OR9Q1: variants seen among roughly 807,000 people sequenced by gnomAD.
The protein encoded by OR9Q1 is olfactory receptor 9Q1.
For missense variants in OR9Q1, 374 were observed against 378.8 expected (o/e 0.99, Z 0.11); for synonymous variants, 153 against 148.6 (o/e 1.03, Z -0.22).
chr11:58,027,220 T>C (rs1852984127), intron 1 of OR9Q1, among the ~76,000 whole-genome samples: 1 of 152,210 alleles, frequency 6.6e-6, no homozygotes, highest in Admixed American at 6.5e-5. Flanking sequence ...CCCATTTCTC[T>C]GCAGAACAAG....
At chr11:58,028,459 G>T (rs1355737900) in intron 1 of OR9Q1, among the ~76,000 whole-genome samples, 1 of 152,182 alleles carries the variant, frequency 6.6e-6, no homozygotes, top group Non-Finnish European at 1.5e-5. Flanking sequence ...CCCAGGGCTT[G>T]ATCCCAGAGC....
intron 2 of OR9Q1, among the ~76,000 whole-genome samples, chr11:58,082,063 T>C (rs1853592687): frequency 6.6e-6 from 1 of 152,080 alleles, no homozygotes; most frequent in Non-Finnish European, 1.5e-5. Flanking sequence ...CACAATGAGA[T>C]ACCATCTCAC....
At chr11:58,167,647 T>G (rs1442638686) in intron 2 of OR9Q1, among the ~76,000 whole-genome samples, 1 of 152,194 alleles carries the variant, frequency 6.6e-6, no homozygotes, top group Non-Finnish European at 1.5e-5. Context: ...CTACGGTCAA[T>G]TGTGGATCAG....
intron 2 of OR9Q1, among the ~76,000 whole-genome samples, chr11:58,137,894 T>C (rs950656982): frequency 6.6e-5 from 10 of 152,210 alleles, no homozygotes; most frequent in Admixed American, 1.3e-4. Context: ...GTCATTAATA[T>C]TCATAGATAC....
chr11:58,026,351 C>CT (rs561725397), intron 1 of OR9Q1, among the ~76,000 whole-genome samples: 20 of 152,166 alleles, frequency 1.3e-4, no homozygotes, highest in African/African-American at 4.1e-4. Context: ...TTTTTCCCAA[C>CT]TTTTATATTC....
chr11:58,136,900 G>A (rs1436292873), intron 2 of OR9Q1, among the ~76,000 whole-genome samples: 1 of 152,142 alleles, frequency 6.6e-6, no homozygotes, highest in East Asian at 1.9e-4. Flanking sequence ...GGCTGTAGTA[G>A]CACAGACCTG....
rs568723804 is a variant in OR9Q1 at position 58,046,835 on chromosome 11, C to T, written c.-92-9035C>T. Among the ~76,000 whole-genome samples the T allele has an allele frequency of 4.3e-3, 647 of 152,016 alleles. 1 individual carries two copies. The highest frequency in any genetic ancestry group is 6.4e-3 in the Non-Finnish European group (432 of 67,990). Reference sequence around the variant, plus strand: ...CTGAGATCACGCCATTGCATTCCAGCCTGGGCAACAAGAGGGAAACTCCAT... The same window carrying T: ...CTGAGATCACGCCATTGCATTCCAGTCTGGGCAACAAGAGGGAAACTCCAT... On this transcript the variant is annotated intron_variant, in intron 1 of 2. Coordinates refer to ENST00000335397, the MANE Select transcript of OR9Q1 (RefSeq NM_001005212.4).
chr11:58,175,530 A>G (rs1473145352), intron 2 of OR9Q1, among the ~76,000 whole-genome samples: 2 of 152,170 alleles, frequency 1.3e-5, no homozygotes, highest in African/African-American at 4.8e-5. Flanking sequence ...CCCATAGTAG[A>G]GGGAATAGTA....
At chr11:58,131,363 T>C (rs1854139512) in intron 2 of OR9Q1, among the ~76,000 whole-genome samples, 1 of 152,164 alleles carries the variant, frequency 6.6e-6, no homozygotes, top group South Asian at 2.1e-4. Context: ...ATGAGGAATA[T>C]ACATTTTTTG....
At chr11:58,061,706 G>A (rs577684401) in intron 2 of OR9Q1, among the ~76,000 whole-genome samples, 77 of 152,246 alleles carry the variant, frequency 5.1e-4, no homozygotes, top group African/African-American at 1.8e-3. Context: ...AACCAGAGTC[G>A]GCAACAGCAA....
At chr11:58,066,795 C>T (rs1010251108) in intron 2 of OR9Q1, among the ~76,000 whole-genome samples, 4 of 152,154 alleles carry the variant, frequency 2.6e-5, no homozygotes, top group Non-Finnish European at 5.9e-5. Context: ...CTCCTGGGCC[C>T]ACACCCCATC....
At chr11:58,031,033 C>T (rs1301261329) in intron 1 of OR9Q1, 3 of 1,613,966 alleles carry the variant, frequency 1.9e-6, no homozygotes, top group Non-Finnish European at 2.5e-6. Flanking sequence ...AAGCACACCT[C>T]CTCTTCTTCA....
intron 2 of OR9Q1, among the ~76,000 whole-genome samples, chr11:58,067,116 C>T (rs1312523925): frequency 2.6e-5 from 4 of 151,810 alleles, no homozygotes; most frequent in African/African-American, 7.3e-5. Context: ...ACTGCAAGTT[C>T]CATCTCCCGG....
chr11:58,035,850 GATCAAATATAATA>G (rs1392566677), intron 1 of OR9Q1, among the ~76,000 whole-genome samples: 5 of 40,070 alleles, frequency 1.2e-4, no homozygotes, highest in African/African-American at 4.5e-4. Flanking sequence ...AACCTTTCCA[GATCAAATATAATA>G]ATCCATGTGA....
At chr11:58,120,603 A>C (rs1252535416) in intron 2 of OR9Q1, among the ~76,000 whole-genome samples, 1 of 151,826 alleles carries the variant, frequency 6.6e-6, no homozygotes, top group Non-Finnish European at 1.5e-5. Context: ...AAGTATTAAT[A>C]AGTTAATACC....
chr11:58,106,967 T>G (rs2120098733), intron 2 of OR9Q1, among the ~76,000 whole-genome samples: 1 of 152,318 alleles, frequency 6.6e-6, no homozygotes, highest in South Asian at 2.1e-4. Context: ...ATTCTAGGTA[T>G]TTTATTGTTC....
intron 2 of OR9Q1, chr11:58,109,420 A>G (rs899464564): frequency 2.6e-5 from 12 of 459,132 alleles, no homozygotes; most frequent in African/African-American, 1.8e-4. Flanking sequence ...TGTGGCCAGA[A>G]TCTGAGGGGT....
intron 2 of OR9Q1, among the ~76,000 whole-genome samples, chr11:58,121,828 C>T (rs1051199129): frequency 6.6e-6 from 1 of 152,084 alleles, no homozygotes; most frequent in Non-Finnish European, 1.5e-5. Context: ...CTCTTTCTAC[C>T]TTCTTTCATA....
chr11:58,120,146 C>A (rs1178295302), intron 2 of OR9Q1, among the ~76,000 whole-genome samples: 1 of 152,164 alleles, frequency 6.6e-6, no homozygotes, highest in Non-Finnish European at 1.5e-5. Context: ...CAGGGGCCAT[C>A]ATCTTCAACA....
Sources: gnomAD v4.1 joint callset for allele counts (sites outside exome capture counted in the v4.1 genomes callset) on GRCh38, gnomAD v4.1.1 for gene constraint, MANE v1.5 for transcripts, NCBI Gene and HGNC (gene_info 2026-07-23, HGNC 2026-07-21) for gene names.